ZFPM2: variants seen among roughly 807,000 people sequenced by gnomAD.
ZFPM2 encodes zinc finger protein, FOG family member 2, also known as zinc finger protein ZFPM2.
A neutral mutation model predicts 98.6 loss-of-function variants in ZFPM2; 20 were observed. The observed-to-expected ratio is 0.20, with a 90% CI of 0.14 to 0.29. The LOEUF (loss-of-function observed/expected upper bound fraction) is 0.29, where lower values mean the gene tolerates loss of function less well. ZFPM2 is among the 10% of genes least tolerant of loss of function. ZFPM2 has a pLI of 1.00. For missense variants in ZFPM2, 1,310 were observed against 1,388.6 expected (o/e 0.94, Z 0.90); for synonymous variants, 518 against 502.7 (o/e 1.03, Z -0.41).
intron 3 of ZFPM2, among the ~76,000 whole-genome samples, chr8:105,545,394 T>C (rs1446523951): frequency 6.6e-6 from 1 of 152,150 alleles, no homozygotes; most frequent in South Asian, 2.1e-4. Flanking sequence ...ACTGTTGCTC[T>C]TCCTTAATCT....
At chr8:105,534,470 CCTTT>C (rs922214253) in intron 3 of ZFPM2, among the ~76,000 whole-genome samples, 6 of 150,494 alleles carry the variant, frequency 4.0e-5, no homozygotes, top group Non-Finnish European at 8.9e-5. Context: ...TTCCTCCCTT[CCTTT>C]CTTCCTTCTT....
chr8:105,555,264 A>T (rs1206292034), intron 3 of ZFPM2, among the ~76,000 whole-genome samples: 2 of 152,174 alleles, frequency 1.3e-5, no homozygotes, highest in African/African-American at 4.8e-5. Context: ...CATGTTAAAA[A>T]ATCAGGCTTC....
At chr8:105,683,162 A>T (rs548714627) in intron 5 of ZFPM2, among the ~76,000 whole-genome samples, 57 of 152,030 alleles carry the variant, frequency 3.7e-4, no homozygotes, top group Admixed American at 1.6e-3. Flanking sequence ...TAATACTATT[A>T]CTTTGGGGGC....
At chr8:105,384,482 T>C (rs1045016448) in intron 1 of ZFPM2, among the ~76,000 whole-genome samples, 3 of 151,960 alleles carry the variant, frequency 2.0e-5, no homozygotes, top group Non-Finnish European at 2.9e-5. Context: ...AAATGGGAAC[T>C]GTGTTTTTTT....
intron 4 of ZFPM2, among the ~76,000 whole-genome samples, chr8:105,605,411 A>G (rs1444459587): frequency 6.6e-6 from 1 of 152,104 alleles, no homozygotes; most frequent in Non-Finnish European, 1.5e-5. Flanking sequence ...TCTGAATATA[A>G]TGATTCCAAG....
chr8:105,715,432 C>T (rs1257470296), intron 5 of ZFPM2, among the ~76,000 whole-genome samples: 5 of 145,912 alleles, frequency 3.4e-5, no homozygotes, highest in African/African-American at 1.3e-4. Context: ...AAAAGAGAGA[C>T]GTAGGCAAAA....
At chr8:105,413,087 G>C (rs1811609454) in intron 1 of ZFPM2, among the ~76,000 whole-genome samples, 1 of 151,644 alleles carries the variant, frequency 6.6e-6, no homozygotes, top group Non-Finnish European at 1.5e-5. Flanking sequence ...AATACTAATT[G>C]AACAAACAGG....
At chr8:105,788,636 G>A (rs1300237257) in intron 5 of ZFPM2, 82 bp from the exon 6 acceptor site, 2 of 1,327,912 alleles carry the variant, frequency 1.5e-6, no homozygotes, top group Non-Finnish European at 2.2e-6. Context: ...AACATGAGAA[G>A]GTGCTATGGA....
chr8:105,712,826 T>C (rs1811435433), intron 5 of ZFPM2, among the ~76,000 whole-genome samples: 1 of 152,108 alleles, frequency 6.6e-6, no homozygotes, highest in African/African-American at 2.4e-5. Flanking sequence ...TCTATTTTTG[T>C]GTTAATTCAC....
At position 105,802,140 on chromosome 8, in the gene ZFPM2, G is replaced by A; in HGVS notation, c.2058G>A (p.Lys686=). 6.2e-7 allele frequency: 1 copy of A among 1,613,842 alleles called. No individual in the cohort carries two copies. The highest frequency in any genetic ancestry group is 2.2e-5 in the East Asian group (1 of 44,844). Residue 686 remains lysine (K), a synonymous_variant, in exon 8 of 8, where the codon AAG becomes AAA. Coordinates refer to ENST00000407775, the MANE Select transcript of ZFPM2 (RefSeq NM_012082.4). Reference sequence around the variant, plus strand: ...TGGATGGGGAAAGTGACCCAAATAAGACTACCTGTGAAGCTTGCAACATTA... The same window carrying A: ...TGGATGGGGAAAGTGACCCAAATAAAACTACCTGTGAAGCTTGCAACATTA... ...PLVDGESDPN[K]TTCEACNITF...
At chr8:105,800,372 G>GATCA (rs1813964782) in intron 7 of ZFPM2, among the ~76,000 whole-genome samples, 1 of 151,880 alleles carries the variant, frequency 6.6e-6, no homozygotes, top group African/African-American at 2.4e-5. Context: ...AATAGGCAGT[G>GATCA]ATCAATCAGC....
chr8:105,748,096 A>G (rs1168197119), intron 5 of ZFPM2, among the ~76,000 whole-genome samples: 9 of 152,064 alleles, frequency 5.9e-5, no homozygotes, highest in Admixed American at 4.6e-4. Context: ...ATATAAAATT[A>G]TATATTATCA....
rs1243350703 is a variant in ZFPM2, at chr8:105,323,403, A to G, written c.40+4422A>G. On this transcript the variant is annotated intron_variant, in intron 1 of 7. Transcript: ENST00000407775. ...AAAATAATTCTTCTCTTTGGTCTGT[A>G]ATACTTCTCATATTGGAGATTTTTA... Among the ~76,000 whole-genome samples the G allele has an allele frequency of 3.9e-5, 6 of 151,982 alleles. No homozygotes were observed. The East Asian group carries it at 1.2e-3, about 29-fold the overall frequency.
intron 1 of ZFPM2, among the ~76,000 whole-genome samples, chr8:105,403,197 G>A (rs180829986): frequency 1.3e-5 from 2 of 152,014 alleles, no homozygotes; most frequent in Non-Finnish European, 2.9e-5. Flanking sequence ...ATAATTATGT[G>A]TAAATCCTTA....
intron 5 of ZFPM2, among the ~76,000 whole-genome samples, chr8:105,725,611 T>C (rs1336532350): frequency 6.6e-6 from 1 of 151,786 alleles, no homozygotes; most frequent in Non-Finnish European, 1.5e-5. Flanking sequence ...CCCAAATTCA[T>C]GCTGTGTCAT....
chr8:105,398,767 TAC>T (rs1811275286), intron 1 of ZFPM2, among the ~76,000 whole-genome samples: 1 of 152,152 alleles, frequency 6.6e-6, no homozygotes, highest in South Asian at 2.1e-4. Flanking sequence ...TGTATATATA[TAC>T]ATATTGGTAC....
At chr8:105,558,128 G>GA (rs941489342) in intron 3 of ZFPM2, among the ~76,000 whole-genome samples, 2 of 151,308 alleles carry the variant, frequency 1.3e-5, no homozygotes, top group African/African-American at 4.8e-5. Flanking sequence ...TTAATTTTTG[G>GA]AAAAAAAATA....
chr8:105,771,268 A>G (rs375891476), intron 5 of ZFPM2, among the ~76,000 whole-genome samples: 1 of 152,102 alleles, frequency 6.6e-6, no homozygotes, highest in East Asian at 1.9e-4. Context: ...CTTAACACTC[A>G]TACCTAGAGG....
At chr8:105,620,754 A>G (rs1339872139) in intron 4 of ZFPM2, among the ~76,000 whole-genome samples, 1 of 152,194 alleles carries the variant, frequency 6.6e-6, no homozygotes, top group African/African-American at 2.4e-5. Context: ...ACATATGGGT[A>G]GCCAGTTTTC....
Sources: allele counts gnomAD v4.1 joint callset (sites outside exome capture counted in the v4.1 genomes callset), GRCh38; gene constraint gnomAD v4.1.1; transcripts MANE v1.5; gene names NCBI Gene and HGNC (gene_info 2026-07-23, HGNC 2026-07-21).